PIK3CA: variants seen among roughly 807,000 people sequenced by gnomAD.
PIK3CA encodes the protein phosphatidylinositol-4,5-bisphosphate 3-kinase catalytic subunit alpha.
PIK3CA carries 27 observed loss-of-function variants against 138.2 expected under a neutral mutation model. That is an observed-to-expected ratio of 0.20 (90% CI 0.14 to 0.27). The LOEUF (loss-of-function observed/expected upper bound fraction) is 0.27. PIK3CA is among the 10% of genes least tolerant of loss of function. PIK3CA has a pLI of 1.00. For missense variants in PIK3CA, 544 were observed against 1,277.4 expected (o/e 0.43, Z 8.75); for synonymous variants, 358 against 413.2 (o/e 0.87, Z 1.62).
intron 1 of PIK3CA, among the ~76,000 whole-genome samples, chr3:179,152,893 T>C (rs535094429): frequency 3.9e-5 from 6 of 152,116 alleles, no homozygotes; most frequent in African/African-American, 1.4e-4. Context: ...CAAGAGAGAA[T>C]AGCAAGTGCC....
At chr3:179,162,826 A>G (rs915998570) in intron 1 of PIK3CA, among the ~76,000 whole-genome samples, 1 of 152,086 alleles carries the variant, frequency 6.6e-6, no homozygotes, top group Non-Finnish European at 1.5e-5. Flanking sequence ...AGTTTTCCTC[A>G]TTAAATTACA....
chr3:179,211,692 A>G (rs543919841), intron 9 of PIK3CA, among the ~76,000 whole-genome samples: 4 of 152,266 alleles, frequency 2.6e-5, no homozygotes, highest in Admixed American at 6.5e-5. Context: ...ACAAAATGCT[A>G]TGTAATGCTG....
intron 18 of PIK3CA, among the ~76,000 whole-genome samples, chr3:179,229,730 A>G (rs1335250912): frequency 6.6e-6 from 1 of 152,166 alleles, no homozygotes; most frequent in Non-Finnish European, 1.5e-5. Flanking sequence ...TTTATTTCTA[A>G]TTCATTGTTA....
chr3:179,152,999 A>G (rs1373200729), intron 1 of PIK3CA, among the ~76,000 whole-genome samples: 1 of 152,204 alleles, frequency 6.6e-6, no homozygotes, highest in Non-Finnish European at 1.5e-5. Flanking sequence ...AGACTTCATC[A>G]TTCTAAAAAA....
chr3:179,227,919 T>C (rs1725120816), intron 17 of PIK3CA, among the ~76,000 whole-genome samples: 1 of 152,072 alleles, frequency 6.6e-6, no homozygotes, highest in South Asian at 2.1e-4. Context: ...ATTATGGTTG[T>C]ATCAAAGGGA....
chr3:179,179,391 A>G (rs976663562), intron 1 of PIK3CA, among the ~76,000 whole-genome samples: 1 of 152,204 alleles, frequency 6.6e-6, no homozygotes, highest in African/African-American at 2.4e-5. Flanking sequence ...AACCAAAAGA[A>G]GCCAAATACA....
intron 20 of PIK3CA, among the ~76,000 whole-genome samples, chr3:179,232,386 G>A (rs2108427169): frequency 6.6e-6 from 1 of 152,024 alleles, no homozygotes; most frequent in Middle Eastern, 3.4e-3. Flanking sequence ...TCCAATTTAT[G>A]TTTTTATATG....
rs117248878 is a variant in PIK3CA at position 179,162,265 on chromosome 3, A to G, written c.-77+13662A>G. 8.7e-4 allele frequency among the ~76,000 whole-genome samples: 133 copies of G among 152,234 alleles called. 3 individuals are homozygous for G. In the East Asian group the frequency reaches 0.021, roughly 24 times the overall value. Reference sequence around the variant, plus strand: ...GATGATAGTTTGTTGTGGCCATATTAAGCCATCTTTGCATTTTAAGGATAA... The same window carrying G: ...GATGATAGTTTGTTGTGGCCATATTGAGCCATCTTTGCATTTTAAGGATAA... On this transcript the variant is annotated intron_variant, in intron 1 of 20. Transcript: ENST00000263967.
At chr3:179,171,249 AAATG>A (rs1297280594) in intron 1 of PIK3CA, among the ~76,000 whole-genome samples, 15 of 152,208 alleles carry the variant, frequency 9.9e-5, no homozygotes, top group Non-Finnish European at 1.9e-4. Flanking sequence ...AACTGAGTGA[AAATG>A]AACACAAAAT....
chr3:179,188,265 A>C (rs954564603), intron 1 of PIK3CA, among the ~76,000 whole-genome samples: 1 of 152,216 alleles, frequency 6.6e-6, no homozygotes, highest in Non-Finnish European at 1.5e-5. Context: ...GTAAAAGCTC[A>C]AGTCACTAGT....
At chr3:179,183,780 G>A (rs1439564942) in intron 1 of PIK3CA, among the ~76,000 whole-genome samples, 1 of 152,204 alleles carries the variant, frequency 6.6e-6, no homozygotes, top group Non-Finnish European at 1.5e-5. Context: ...AGACAAAAAT[G>A]TCAGGGACCT....
In PIK3CA at chr3:179,235,367, T is replaced by C. The variant is rs1725313849; in HGVS notation, c.*1003T>C. The C allele has an allele frequency of 1.1e-5, 2 of 182,190 alleles. No homozygotes were observed. Among genetic ancestry groups the C allele is most frequent in the Admixed American group, 6.3e-5 (1 of 15,924 alleles). 11.3% of individuals were successfully genotyped at this position (182,190 alleles called of 1,614,324 possible). ...TTCTTTATTTACATGATCTGTCCCA[T>C]AGTCATGCATTGTTTTGCACCCCAA... is the stretch of plus-strand genomic sequence containing the variant. On this transcript the variant is annotated 3_prime_UTR_variant, in exon 21 of 21. Transcript: ENST00000263967.
At chr3:179,214,165 T>C (rs1293418286) in intron 9 of PIK3CA, among the ~76,000 whole-genome samples, 1 of 152,214 alleles carries the variant, frequency 6.6e-6, no homozygotes, top group Non-Finnish European at 1.5e-5. Context: ...GTAGCACTTT[T>C]AATTTTCTTC....
Position 179,221,129 on chromosome 3 carries a change from A to C in PIK3CA, c.2159A>C (p.Lys720Thr). 1 of 1,613,194 alleles carries C rather than the reference A, an allele frequency of 6.2e-7. No homozygotes were observed. Among genetic ancestry groups the C allele is most frequent in the Non-Finnish European group, 8.5e-7 (1 of 1,179,362 alleles). Reference protein sequence around the residue: ...EKLINLTDILKQEKKDETQKV... With the variant: ...EKLINLTDILTQEKKDETQKV... ...CTCATTAACTTAACTGACATTCTCA[A>C]ACAGGAGAAGAAGGATGAAACACAA... Residue 720 changes from lysine to threonine, a missense_variant, in exon 14 of 21, where the codon AAA becomes ACA. Around this residue, in one of 14 missense-constraint regions of PIK3CA, gnomAD observed 22 missense variants for 107.9 expected, o/e 0.20. Transcript: ENST00000263967.
At chr3:179,195,574 T>C (rs1724247060) in intron 1 of PIK3CA, among the ~76,000 whole-genome samples, 1 of 152,120 alleles carries the variant, frequency 6.6e-6, no homozygotes, top group Non-Finnish European at 1.5e-5. Flanking sequence ...GGGGCCAAAA[T>C]TTGAATCTAG....
chr3:179,211,105 A>G (rs1560142401), intron 9 of PIK3CA, among the ~76,000 whole-genome samples: 1 of 152,228 alleles, frequency 6.6e-6, no homozygotes, highest in Non-Finnish European at 1.5e-5. Flanking sequence ...TCCATAAAAT[A>G]TGTATAGATA....
In PIK3CA at chr3:179,210,516, A is replaced by G. The variant is rs753879573; in HGVS notation, c.1490A>G (p.Asn497Ser). 2.0e-5 allele frequency: 32 copies of G among 1,613,928 alleles called. No individual in the cohort carries two copies. The highest frequency in any genetic ancestry group is 9.9e-5 in the South Asian group (9 of 91,082). The change falls in exon 9 of 21, where the codon AAT becomes AGT. Residue 497 changes from asparagine to serine, a missense_variant. This residue lies in a region of PIK3CA where 52 missense variants were observed against 83.4 expected (regional missense o/e 0.62). Transcript: ENST00000263967. ...PDMSVIEEHA[N>S]WSVSREAGFS... ...ATGTCAGTGATTGAAGAGCATGCCA[A>G]TTGGTCTGTATCCCGAGAAGCAGGA...
intron 6 of PIK3CA, among the ~76,000 whole-genome samples, chr3:179,208,982 T>G (rs1477472628): frequency 2.8e-5 from 4 of 142,826 alleles, no homozygotes; most frequent in Non-Finnish European, 4.5e-5. Context: ...ATTATATATA[T>G]AAATATATAG....
intron 1 of PIK3CA, among the ~76,000 whole-genome samples, chr3:179,185,708 A>G (rs1723962384): frequency 6.6e-6 from 1 of 152,202 alleles, no homozygotes. Flanking sequence ...TTGATAGAGC[A>G]GCTCATAGAA....
Sources: gnomAD v4.1 joint callset for allele counts (sites outside exome capture counted in the v4.1 genomes callset) on GRCh38, gnomAD v4.1.1 for gene constraint, gnomAD v4.1.1 regional missense constraint, MANE v1.5 for transcripts, NCBI Gene and HGNC (gene_info 2026-07-23, HGNC 2026-07-21) for gene names.